Variants in ZZEF1 observed in about 807,000 individuals in gnomAD.
The protein encoded by ZZEF1 is zinc finger ZZ-type and EF-hand domain-containing protein 1.
In ZZEF1, 157 loss-of-function variants were observed where a neutral mutation model predicts 342.8. That is an observed-to-expected ratio of 0.46 (90% confidence interval 0.40 to 0.52). The LOEUF (loss-of-function observed/expected upper bound fraction) is 0.52, where lower values mean the gene tolerates loss of function less well. Ranked by LOEUF, ZZEF1 falls within the 20% of genes least tolerant of loss-of-function variation. ZZEF1 has a pLI of 0.00. For synonymous variants in ZZEF1, 1,505 were observed against 1,429.1 expected, an observed-to-expected ratio of 1.05 and a Z score of -1.20; for missense variants, 3,480 against 3,725.6, an observed-to-expected ratio of 0.93 and a Z score of 1.72.
At chr17:4,080,330 T>A (rs1308244953) in intron 18 of ZZEF1, among the ~76,000 whole-genome samples, 1 of 43,326 alleles carries the variant, frequency 2.3e-5, no homozygotes, top group African/African-American at 4.0e-5. Context: ...ATTTTTTTTT[T>A]GTTTTTTGTT....
chr17:4,052,373 G>A (rs2057067915), intron 34 of ZZEF1, among the ~76,000 whole-genome samples: 1 of 152,124 alleles, frequency 6.6e-6, no homozygotes, highest in Non-Finnish European at 1.5e-5. Flanking sequence ...TGCATTATCA[G>A]GACTGCTGTT....
chr17:4,074,954 A>G (rs1466521864), intron 23 of ZZEF1, 143 bp downstream of exon 23: 9 of 872,168 alleles, frequency 1.0e-5, no homozygotes, highest in Non-Finnish European at 1.2e-5. Context: ...AGCTGGTCAA[A>G]CTCTGATATA....
chr17:4,037,144 T>C (rs896102672), intron 39 of ZZEF1, among the ~76,000 whole-genome samples: 1 of 152,174 alleles, frequency 6.6e-6, no homozygotes, highest in African/African-American at 2.4e-5. Context: ...GAACCCATAC[T>C]GATATAACTA....
At chr17:4,079,123 G>A (rs190758543) in intron 18 of ZZEF1, among the ~76,000 whole-genome samples, 3 of 152,226 alleles carry the variant, frequency 2.0e-5, no homozygotes, top group East Asian at 3.9e-4. Flanking sequence ...ATTTCTCCAC[G>A]TACATCTTAA....
At chr17:4,088,423 G>A (rs1348251665) in intron 13 of ZZEF1, among the ~76,000 whole-genome samples, 3 of 152,156 alleles carry the variant, frequency 2.0e-5, no homozygotes, top group African/African-American at 4.8e-5. Flanking sequence ...TCTTGAAGAT[G>A]TGTCTGTAGG....
chr17:4,122,922 C>CTTTTTT, intron 2 of ZZEF1, among the ~76,000 whole-genome samples: 1 of 136,706 alleles, frequency 7.3e-6, no homozygotes, highest in Non-Finnish European at 1.5e-5. Flanking sequence ...TGACCTCTTC[C>CTTTTTT]TTTTTTTTTT....
chr17:4,133,929 T>C (rs2058708700), intron 1 of ZZEF1, among the ~76,000 whole-genome samples: 1 of 152,096 alleles, frequency 6.6e-6, no homozygotes, highest in Non-Finnish European at 1.5e-5. Flanking sequence ...GGTCTCAAAC[T>C]CCTGGGGTCA....
In ZZEF1 at chr17:4,090,731, G is replaced by A. The variant is rs1202023989; in HGVS notation, c.2013C>T (p.Cys671=). ...WDEADVKLQQ[C]RVAKYLMVKF... is the part of the protein sequence containing the mutation. The stretch of plus-strand genomic sequence containing the variant: ...CACTAATGCTTACTTTGGCAACTCT[G>A]CACTGTTGCAGCTTCACATCTGCTT... The change falls in exon 12 of 55, where the codon TGC becomes TGT. Residue 671 remains cysteine (C), a synonymous_variant. Transcript: ENST00000381638. The A allele has an allele frequency of 6.2e-7, 1 of 1,613,882 alleles. No individual in the cohort carries two copies.
chr17:4,010,617 A>G (rs1448200177), intron 52 of ZZEF1, among the ~76,000 whole-genome samples: 1 of 148,292 alleles, frequency 6.7e-6, no homozygotes, highest in African/African-American at 2.5e-5. Flanking sequence ...CCCAGCTACT[A>G]GGGAGGCTGA....
chr17:4,014,194 C>T lies in ZZEF1; in HGVS notation c.8315-6G>A. The T allele has an allele frequency of 6.2e-7, 1 of 1,614,074 alleles. No homozygotes were observed. The highest frequency in any genetic ancestry group is 1.3e-5 in the African/African-American group (1 of 75,038). On this transcript the variant is annotated splice_region_variant and splice_polypyrimidine_tract_variant and intron_variant, in intron 50 of 54. Coordinates refer to ENST00000381638, the MANE Select transcript of ZZEF1 (RefSeq NM_015113.4). This position sits in a 1 kb window ranked among gnomAD's most constrained non-coding sequence, Gnocchi z 4.4. ...GCGGTAATACAGAGTGTCTCCTAGG[C>T]ACACAAGGATCAGAGGCCCATCAGG... is the stretch of plus-strand genomic sequence containing the variant.
chr17:4,029,607 T>C (rs1483418887), intron 42 of ZZEF1, among the ~76,000 whole-genome samples: 1 of 152,002 alleles, frequency 6.6e-6, no homozygotes, highest in Non-Finnish European at 1.5e-5. Context: ...GGCTCCTACC[T>C]TAAGAAACCT....
chr17:4,054,268 A>G, intron 33 of ZZEF1, 73 bp from the exon 34 acceptor site: 1 of 1,496,184 alleles, frequency 6.7e-7, no homozygotes, highest in Non-Finnish European at 9.2e-7. Context: ...CAATTCCTCC[A>G]TTCACTAGGT....
intron 1 of ZZEF1, among the ~76,000 whole-genome samples, chr17:4,133,197 GAA>G (rs2058697152): frequency 6.6e-6 from 1 of 152,178 alleles, no homozygotes; most frequent in Admixed American, 6.5e-5. Context: ...TGGAAACTAT[GAA>G]TCAATATTTG....
Position 4,008,457 on chromosome 17 carries a change from A to G in ZZEF1, c.8805+426T>C, listed in dbSNP as rs750009100. Reference sequence around the variant, plus strand: ...AATGGCACATATGGATATATGCATAATAGACATATCCAAAAGCTTTCTGAG... The same window carrying G: ...AATGGCACATATGGATATATGCATAGTAGACATATCCAAAAGCTTTCTGAG... On this transcript the variant is annotated intron_variant, in intron 54 of 54. Coordinates refer to ENST00000381638, the MANE Select transcript of ZZEF1 (RefSeq NM_015113.4). The surrounding 1 kb of genome is among the most constrained non-coding windows in gnomAD (Gnocchi z 4.2). The G allele has an allele frequency of 3.8e-5, 33 of 875,262 alleles. No individual in the cohort carries two copies. Among genetic ancestry groups the G allele is most frequent in the African/African-American group, 1.1e-4 (6 of 55,100 alleles). The allele number at this position is 875,262 out of a possible 1,614,324, so 54.2% of individuals were successfully genotyped here. A position where few individuals can be genotyped will look rare whatever the true frequency, so the allele number is the denominator to read the frequency against.
rs79058840 is a variant in ZZEF1 at position 4,074,133 on chromosome 17, C to T, written c.3685+17G>A. 107,121 of 1,612,874 alleles carry T rather than the reference C, an allele frequency of 0.066. 4,427 individuals carry two copies. The highest frequency in any genetic ancestry group is 0.15 in the Admixed American group (8,737 of 59,998). The stretch of plus-strand genomic sequence containing the variant: ...ACCGTGGTTGTAAGAAGGGAAAGCA[C>T]AGGGATGTGCACTTACGGCGCACAG... On this transcript the variant is annotated intron_variant, in intron 24 of 54. Coordinates refer to ENST00000381638, the MANE Select transcript of ZZEF1 (RefSeq NM_015113.4).
At chr17:4,019,101 G>A (rs1316347838) in intron 46 of ZZEF1, among the ~76,000 whole-genome samples, 2 of 151,944 alleles carry the variant, frequency 1.3e-5, no homozygotes, top group East Asian at 3.9e-4. Context: ...ACCTCATAAA[G>A]GCTTTTAGGC....
At chr17:4,105,155 C>T (rs904404653) in intron 7 of ZZEF1, among the ~76,000 whole-genome samples, 2 of 152,210 alleles carry the variant, frequency 1.3e-5, no homozygotes, top group African/African-American at 4.8e-5. Flanking sequence ...AAATGTATCA[C>T]ACTGAATTAC....
In ZZEF1 at chr17:4,009,668, C is replaced by G. The variant is rs1211024860; in HGVS notation, c.8669G>C (p.Gly2890Ala). Residue 2890 changes from glycine (G) to alanine (A), a missense_variant, in exon 53 of 55, where the codon GGC becomes GCC. Gly to Ala is a moderately conservative substitution (Grantham distance 60). This residue lies in a region of ZZEF1 where 1,269 missense variants were observed against 1,342.4 expected (regional missense o/e 0.95). Coordinates refer to ENST00000381638, the MANE Select transcript of ZZEF1 (RefSeq NM_015113.4). ...YGLFEDVTQP[G>A]ILLPLHRALT... is the part of the protein sequence containing the mutation. ...GGCACGATGCAGGGGAAGGAGGATG[C>G]CGGGCTGCGTCACGTCCTCAAACAG... 1 of 1,614,076 alleles carries G rather than the reference C, an allele frequency of 6.2e-7. No homozygotes were observed.
chr17:4,108,440 C>G (rs1214156211), intron 6 of ZZEF1, among the ~76,000 whole-genome samples: 5 of 152,150 alleles, frequency 3.3e-5, no homozygotes, highest in Non-Finnish European at 7.3e-5. Flanking sequence ...CAAGGAAATA[C>G]TGAGGAATTG....
Sources: gnomAD v4.1 joint callset for allele counts (sites outside exome capture counted in the v4.1 genomes callset) on GRCh38, gnomAD v4.1.1 for gene constraint, gnomAD v4.1.1 regional missense constraint, Gnocchi (gnomAD v3.1) non-coding constraint, MANE v1.5 for transcripts, NCBI Gene and HGNC (gene_info 2026-07-23, HGNC 2026-07-21) for gene names.